Variants in NLN observed in about 807,000 individuals in gnomAD.
NLN encodes the protein neurolysin.
NLN carries 64 observed loss-of-function variants against 79.9 expected under a neutral mutation model. The observed-to-expected ratio is 0.80, with a 90% confidence interval of 0.65 to 0.99. The LOEUF (loss-of-function observed/expected upper bound fraction) is 0.99, where lower values mean the gene tolerates loss of function less well. Among genes scored for constraint, NLN ranks in the 50% least tolerant of loss-of-function variants. The pLI, the probability that NLN is intolerant of heterozygous loss-of-function variation, is 0.00. For synonymous variants in NLN, 267 were observed against 296.6 expected, an observed-to-expected ratio of 0.90 and a Z score of 1.02; for missense variants, 835 against 858.7, an observed-to-expected ratio of 0.97 and a Z score of 0.34.
chr5:65,818,636 C>T (rs769546977), intron 12 of NLN: 3 of 152,248 alleles, frequency 2.0e-5, no homozygotes, highest in Non-Finnish European at 4.4e-5. Flanking sequence ...TCTCCCCACC[C>T]TCACAGAAAA....
chr5:65,769,509 C>T (rs1442429984), intron 3 of NLN, among the ~76,000 whole-genome samples: 2 of 152,084 alleles, frequency 1.3e-5, no homozygotes, highest in Non-Finnish European at 2.9e-5. Context: ...TTTCATGTGC[C>T]CCATAAATGT....
At chr5:65,812,768 C>G (rs1318506654) in intron 12 of NLN, among the ~76,000 whole-genome samples, 1 of 152,098 alleles carries the variant, frequency 6.6e-6, no homozygotes, top group Non-Finnish European at 1.5e-5. Context: ...AAATGGTTTC[C>G]CTGTGTTTTG....
At chr5:65,748,624 G>T (rs547325512) in intron 1 of NLN, among the ~76,000 whole-genome samples, 218 of 152,170 alleles carry the variant, frequency 1.4e-3, no homozygotes, top group African/African-American at 5.1e-3. Context: ...GCATGATGGT[G>T]CATGCCTATA....
chr5:65,731,032 C>A (rs1040399550), intron 1 of NLN, among the ~76,000 whole-genome samples: 3 of 152,212 alleles, frequency 2.0e-5, no homozygotes, highest in African/African-American at 7.2e-5. Context: ...GATCTTAACT[C>A]ATTCATGCTC....
chr5:65,811,793 G>A (rs538428176), intron 11 of NLN, among the ~76,000 whole-genome samples: 41 of 152,298 alleles, frequency 2.7e-4, no homozygotes, highest in Admixed American at 1.0e-3. Context: ...CTGTACTCCA[G>A]CTTGGGCAAC....
intron 12 of NLN, among the ~76,000 whole-genome samples, chr5:65,814,349 A>G (rs1386865675): frequency 6.6e-6 from 1 of 151,906 alleles, no homozygotes; most frequent in African/African-American, 2.4e-5. Context: ...TTTACTTCCC[A>G]GTACTCCCTG....
chr5:65,733,152 C>A lies in NLN; in HGVS notation c.41+10738C>A. The A allele has an allele frequency of 6.1e-6, 9 of 1,479,240 alleles. 2 individuals are homozygous for A. Among genetic ancestry groups the A allele is most frequent in the South Asian group, 1.1e-5 (1 of 87,490 alleles). 91.6% of individuals were successfully genotyped at this position (1,479,240 alleles called of 1,614,324 possible). On this transcript the variant is annotated intron_variant, in intron 1 of 12. Coordinates refer to ENST00000380985, the MANE Select transcript of NLN (RefSeq NM_020726.5). ...ATTCTGTCATGCTTACCTAGCTGAT[C>A]GGGACATGGAGTGTCTGTCTTAGTA...
At chr5:65,802,133 G>A (rs1032650465) in intron 9 of NLN, among the ~76,000 whole-genome samples, 3 of 152,206 alleles carry the variant, frequency 2.0e-5, no homozygotes, top group Admixed American at 2.0e-4. Context: ...CCTTTGCCCA[G>A]GTTTTGCTTG....
At chr5:65,771,975 A>AC (rs1206781087) in intron 3 of NLN, among the ~76,000 whole-genome samples, 3 of 151,964 alleles carry the variant, frequency 2.0e-5, no homozygotes, top group Non-Finnish European at 4.4e-5. Context: ...AAAAAAAAAA[A>AC]AAGATATCCC....
chr5:65,780,159 T>C lies in NLN; in HGVS notation c.559-20T>C. ...GTTTCTTTTTATTGCTAATGCCCTG[T>C]ATTTTTATCTTCCTTTCAGGAAATC... is the stretch of plus-strand genomic sequence containing the variant. On this transcript the variant is annotated intron_variant, in intron 4 of 12. Transcript: ENST00000380985. 1.0e-6 allele frequency: 1 copy of C among 979,304 alleles called. No individual in the cohort carries two copies. The highest frequency in any genetic ancestry group is 1.6e-6 in the Non-Finnish European group (1 of 615,180). 60.7% of individuals were successfully genotyped at this position (979,304 alleles called of 1,614,324 possible).
chr5:65,725,903 G>C (rs1377618305), intron 1 of NLN, among the ~76,000 whole-genome samples: 1 of 152,180 alleles, frequency 6.6e-6, no homozygotes, highest in Non-Finnish European at 1.5e-5. Flanking sequence ...ACGAAGTCAG[G>C]AGATCGAGAC....
chr5:65,795,906 A>G (rs537253529), intron 9 of NLN, among the ~76,000 whole-genome samples: 1 of 152,314 alleles, frequency 6.6e-6, no homozygotes, highest in Admixed American at 6.5e-5. Flanking sequence ...AAATCCAGTT[A>G]TATGTTTGTA....
intron 12 of NLN, chr5:65,818,891 CTGCTGCAGAGA>C (rs1760731213): frequency 6.6e-6 from 1 of 152,244 alleles, no homozygotes; most frequent in African/African-American, 2.4e-5. Flanking sequence ...CCTGCATGTG[CTGCTGCAGAGA>C]TGCCCAAGAT....
chr5:65,765,301 G>C (rs1759428523), intron 3 of NLN, among the ~76,000 whole-genome samples: 1 of 151,998 alleles, frequency 6.6e-6, no homozygotes, highest in African/African-American at 2.4e-5. Context: ...GTGGATCACG[G>C]GAGGTCAGAA....
At chr5:65,781,956 T>A (rs976814087) in intron 6 of NLN, among the ~76,000 whole-genome samples, 1 of 152,168 alleles carries the variant, frequency 6.6e-6, no homozygotes, top group Non-Finnish European at 1.5e-5. Flanking sequence ...AGACAAGTTA[T>A]CAGCTCCTCA....
At chr5:65,793,918 C>T (rs1463786490) in intron 9 of NLN, among the ~76,000 whole-genome samples, 1 of 152,194 alleles carries the variant, frequency 6.6e-6, no homozygotes, top group Admixed American at 6.5e-5. Flanking sequence ...GTACTCCAGA[C>T]TGAACACCAC....
At chr5:65,797,738 C>CT (rs1181686828) in intron 9 of NLN, among the ~76,000 whole-genome samples, 8 of 152,292 alleles carry the variant, frequency 5.3e-5, no homozygotes, top group Non-Finnish European at 2.9e-5. Flanking sequence ...TAATTCAACT[C>CT]TTTTGAGATC....
In NLN at chr5:65,827,982, A is replaced by C. The variant is rs1211187460; in HGVS notation, c.*5067A>C. The C allele has an allele frequency of 6.6e-6, 1 of 152,266 alleles. No homozygotes were observed. The highest frequency in any genetic ancestry group is 1.5e-5 in the Non-Finnish European group (1 of 68,046). 9.4% of individuals were successfully genotyped at this position (152,266 alleles called of 1,614,324 possible). On this transcript the variant is annotated 3_prime_UTR_variant, in exon 13 of 13. Coordinates refer to ENST00000380985, the MANE Select transcript of NLN (RefSeq NM_020726.5). ...CAGTGAGCCGACATTGTGCCGCTTC[A>C]TTCCAGCCTGGGCAACAGAGTGAAA...
At chr5:65,771,963 CAAA>C (rs3081187) in intron 3 of NLN, among the ~76,000 whole-genome samples, 26 of 137,806 alleles carry the variant, frequency 1.9e-4, no homozygotes, top group African/African-American at 6.9e-4. Context: ...AAAACAATGA[CAAA>C]AAAAAAAAAA....
Sources: allele counts gnomAD v4.1 joint callset (sites outside exome capture counted in the v4.1 genomes callset), GRCh38; gene constraint gnomAD v4.1.1; transcripts MANE v1.5; gene names NCBI Gene and HGNC (gene_info 2026-07-23, HGNC 2026-07-21).